Variants in POC1B observed in about 807,000 individuals in gnomAD.
POC1B encodes POC1 centriolar protein homolog B.
A neutral mutation model predicts 60.6 loss-of-function variants in POC1B; 44 were observed. The observed-to-expected ratio is 0.73, with a 90% confidence interval of 0.57 to 0.93. The LOEUF (loss-of-function observed/expected upper bound fraction) is 0.93. POC1B is among the 40% of genes least tolerant of loss of function. The probability of loss-of-function intolerance (pLI) is 0.00; values close to 1 mark genes in which losing one functional copy is unlikely to be tolerated. For synonymous variants in POC1B, 180 were observed against 198.9 expected, an observed-to-expected ratio of 0.90 and a Z score of 0.80; for missense variants, 555 against 572.3, an observed-to-expected ratio of 0.97 and a Z score of 0.31.
chr12:89,410,798 G>C, the POC1B span, among the ~76,000 whole-genome samples: 1 of 152,154 alleles, frequency 6.6e-6, no homozygotes, highest in African/African-American at 2.4e-5. Flanking sequence ...AGGAAATAAA[G>C]CTATTCAAAT....
At chr12:89,436,497 T>A (rs1397959350) in intron 10 of POC1B, among the ~76,000 whole-genome samples, 1 of 152,102 alleles carries the variant, frequency 6.6e-6, no homozygotes, top group African/African-American at 2.4e-5. Flanking sequence ...GTGGATGACC[T>A]CAGGTCAGAA....
At chr12:89,404,596 T>A in the POC1B span, among the ~76,000 whole-genome samples, 2 of 152,202 alleles carry the variant, frequency 1.3e-5, no homozygotes, top group Non-Finnish European at 2.9e-5. Context: ...GTTCTATCAA[T>A]AATTTTGAAT....
intron 10 of POC1B, among the ~76,000 whole-genome samples, chr12:89,443,210 C>T (rs190153549): frequency 1.3e-5 from 2 of 152,312 alleles, no homozygotes; most frequent in Admixed American, 1.3e-4. Context: ...AGAAAGTTAA[C>T]AAGGATATCC....
In POC1B at chr12:89,525,967, G is replaced by C. The variant is rs571078499; in HGVS notation, c.-72C>G. The C allele has an allele frequency of 1.6e-5, 25 of 1,546,052 alleles. No individual in the cohort carries two copies. In the African/African-American group the frequency reaches 2.7e-4, roughly 17 times the overall value. ...GAGGGGAGGGGAGAGGATGGGGAAG[G>C]AGAGGGGACCGTGCGGCTCCCGGAA... On this transcript the variant is annotated 5_prime_UTR_variant, in exon 1 of 12. Coordinates refer to ENST00000313546, the MANE Select transcript of POC1B (RefSeq NM_172240.3).
intron 2 of POC1B, among the ~76,000 whole-genome samples, chr12:89,512,396 G>T (rs1263737068): frequency 1.3e-5 from 2 of 152,154 alleles, no homozygotes; most frequent in Non-Finnish European, 2.9e-5. Flanking sequence ...ATGTCTTTGA[G>T]GACTGGCAAT....
chr12:89,447,647 G>A (rs557821201), intron 10 of POC1B, among the ~76,000 whole-genome samples: 2 of 152,088 alleles, frequency 1.3e-5, no homozygotes, highest in South Asian at 4.1e-4. Context: ...TCCCCAGAAT[G>A]CATAGTTCTG....
chr12:89,472,900 T>C (rs1882958788), intron 4 of POC1B, among the ~76,000 whole-genome samples: 1 of 152,216 alleles, frequency 6.6e-6, no homozygotes, highest in African/African-American at 2.4e-5. Context: ...ACACGCCCCA[T>C]TAAAAAGCAA....
At chr12:89,483,785 A>C (rs1302534733) in intron 4 of POC1B, among the ~76,000 whole-genome samples, 1 of 152,246 alleles carries the variant, frequency 6.6e-6, no homozygotes, top group African/African-American at 2.4e-5. Flanking sequence ...ATCCATCACC[A>C]GGAGACCTTC....
At chr12:89,478,059 T>C (rs1883184304) in intron 4 of POC1B, among the ~76,000 whole-genome samples, 1 of 152,112 alleles carries the variant, frequency 6.6e-6, no homozygotes, top group Admixed American at 6.5e-5. Flanking sequence ...AGATGTGTTC[T>C]TGGAGTTGCC....
intron 9 of POC1B, among the ~76,000 whole-genome samples, chr12:89,464,802 G>GA (rs75294490): frequency 0.21 from 26,592 of 124,062 alleles, 2,893 homozygotes; most frequent in South Asian, 0.38. Flanking sequence ...ATTTTTTCAG[G>GA]AAAAAAAAAA....
chr12:89,488,918 A>T (rs1285621358), intron 4 of POC1B, among the ~76,000 whole-genome samples: 1 of 152,142 alleles, frequency 6.6e-6, no homozygotes, highest in African/African-American at 2.4e-5. Flanking sequence ...CCATACCCAG[A>T]GCTGGCTCAC....
At chr12:89,515,047 C>T (rs910744098) in intron 2 of POC1B, among the ~76,000 whole-genome samples, 4 of 152,060 alleles carry the variant, frequency 2.6e-5, no homozygotes, top group African/African-American at 9.7e-5. Flanking sequence ...TTGGGGACAC[C>T]AAGTTTCCTG....
At chr12:89,444,571 ACT>A (rs565589001) in intron 10 of POC1B, among the ~76,000 whole-genome samples, 146 of 152,258 alleles carry the variant, frequency 9.6e-4, no homozygotes, top group Non-Finnish European at 1.7e-3. Context: ...CCTGCTAAAA[ACT>A]CTCAATAAAC....
downstream of POC1B, among the ~76,000 whole-genome samples, chr12:89,415,740 T>C (rs1296588104): frequency 1.3e-5 from 2 of 152,232 alleles, no homozygotes; most frequent in Admixed American, 6.5e-5. Flanking sequence ...ATTTCACAAA[T>C]GCAGTTCACG....
chr12:89,490,209 A>G (rs1868881894), intron 4 of POC1B, among the ~76,000 whole-genome samples: 1 of 152,174 alleles, frequency 6.6e-6, no homozygotes, highest in South Asian at 2.1e-4. Context: ...GAGAAAAAAA[A>G]TGACTTAGGC....
In POC1B at chr12:89,420,338, G is replaced by C. The variant is rs1018013493; in HGVS notation, c.*815C>G. ...ATTTCTGAAGCATGTGTACATACAT[G>C]TGTGTATATTTTTAAATATCACTTT... On this transcript the variant is annotated 3_prime_UTR_variant, in exon 12 of 12. Coordinates refer to ENST00000313546, the MANE Select transcript of POC1B (RefSeq NM_172240.3). The C allele has an allele frequency of 6.6e-6, 1 of 152,138 alleles. No individual in the cohort carries two copies. The highest frequency in any genetic ancestry group is 2.4e-5 in the African/African-American group (1 of 41,426). The allele number at this position is 152,138 out of a possible 1,614,324, so 9.4% of individuals were successfully genotyped here.
chr12:89,524,596 G>A (rs1242325333), intron 2 of POC1B: 5 of 1,594,994 alleles, frequency 3.1e-6, no homozygotes, highest in Non-Finnish European at 4.3e-6. Context: ...AAGCCACCAC[G>A]CAGGGGAAGG....
intron 10 of POC1B, among the ~76,000 whole-genome samples, chr12:89,450,904 G>C (rs1374271393): frequency 2.0e-5 from 3 of 152,120 alleles, no homozygotes; most frequent in Non-Finnish European, 4.4e-5. Flanking sequence ...TTTTAACAGA[G>C]AGAATTTAAT....
the POC1B span, among the ~76,000 whole-genome samples, chr12:89,405,217 T>A: frequency 6.6e-6 from 1 of 152,174 alleles, no homozygotes; most frequent in Non-Finnish European, 1.5e-5. Flanking sequence ...GGAAGGAAAT[T>A]CTCTTGAAGG....
Sources: allele counts gnomAD v4.1 joint callset (sites outside exome capture counted in the v4.1 genomes callset), GRCh38; gene constraint gnomAD v4.1.1; transcripts MANE v1.5; gene names NCBI Gene and HGNC (gene_info 2026-07-23, HGNC 2026-07-21).